IGSF10: variants seen among roughly 807,000 people sequenced by gnomAD.
IGSF10 encodes immunoglobulin superfamily member 10, also known as calvaria mechanical force protein 608.
In IGSF10, 126 loss-of-function variants were observed where a neutral mutation model predicts 128.2. That is an observed-to-expected ratio of 0.98 (90% CI 0.85 to 1.14). The LOEUF (loss-of-function observed/expected upper bound fraction) is 1.14, where lower values mean the gene tolerates loss of function less well. IGSF10 is among the 50% of genes most tolerant of loss of function. The pLI, the probability that IGSF10 is intolerant of heterozygous loss-of-function variation, is 0.00. For synonymous variants in IGSF10, 1,185 were observed against 1,146.2 expected, an observed-to-expected ratio of 1.03 and a Z score of -0.68; for missense variants, 3,295 against 3,149.8, an observed-to-expected ratio of 1.05 and a Z score of -1.10.
At chr3:151,444,854 A>C (rs548669371) in intron 6 of IGSF10, 65 bp downstream of exon 6, 1 of 1,442,978 alleles carries the variant, frequency 6.9e-7, no homozygotes, top group Non-Finnish European at 9.3e-7. Context: ...GTTTAATCCC[A>C]AAACATAACA....
At chr3:151,462,355 G>A (rs746738179), upstream of IGSF10, among the ~76,000 whole-genome samples, 1 of 152,162 alleles carries the variant, frequency 6.6e-6, no homozygotes, top group Non-Finnish European at 1.5e-5. Context: ...GAAACTGTAC[G>A]AAGGAGGCTT....
At chr3:151,552,190 G>A in the IGSF10 span, among the ~76,000 whole-genome samples, 1 of 152,082 alleles carries the variant, frequency 6.6e-6, no homozygotes, top group Non-Finnish European at 1.5e-5. Flanking sequence ...CCATGTGAAG[G>A]TGTGCTTACT....
At chr3:151,468,765 C>T in the IGSF10 span, among the ~76,000 whole-genome samples, 1 of 152,178 alleles carries the variant, frequency 6.6e-6, no homozygotes, top group Non-Finnish European at 1.5e-5. Flanking sequence ...TTCCAGGATA[C>T]ATGTACAGGA....
At chr3:151,517,905 T>C in the IGSF10 span, among the ~76,000 whole-genome samples, 24 of 152,028 alleles carry the variant, frequency 1.6e-4, no homozygotes, top group African/African-American at 4.3e-4. Context: ...CTCTGACCCT[T>C]ACAAAAAAAA....
chr3:151,490,286 G>T, the IGSF10 span, among the ~76,000 whole-genome samples: 1 of 152,088 alleles, frequency 6.6e-6, no homozygotes, highest in Non-Finnish European at 1.5e-5. Context: ...AACAAAGAGT[G>T]TCATTATTTA....
the IGSF10 span, among the ~76,000 whole-genome samples, chr3:151,512,769 T>C: frequency 2.6e-5 from 4 of 151,832 alleles, no homozygotes; most frequent in Non-Finnish European, 4.4e-5. Flanking sequence ...CAATAAAAAA[T>C]GACAAAGGGG....
the IGSF10 span, among the ~76,000 whole-genome samples, chr3:151,535,032 GC>G: frequency 5.9e-5 from 9 of 151,550 alleles, no homozygotes; most frequent in African/African-American, 1.5e-4. Context: ...AAAAAAAAAA[GC>G]TATCTACATT....
At chr3:151,596,572 T>G in the IGSF10 span, among the ~76,000 whole-genome samples, 1 of 152,208 alleles carries the variant, frequency 6.6e-6, no homozygotes, top group South Asian at 2.1e-4. Context: ...ATCTTGTGTA[T>G]CTACATCTTC....
intron 7 of IGSF10, among the ~76,000 whole-genome samples, chr3:151,442,380 A>AT (rs3975405): frequency 0.05 from 6,158 of 124,380 alleles, 318 homozygotes; most frequent in Middle Eastern, 0.11. Context: ...TACAATTACT[A>AT]TTTTTTTTTT....
upstream of IGSF10, among the ~76,000 whole-genome samples, chr3:151,462,672 T>C (rs1722106193): frequency 6.6e-6 from 1 of 152,204 alleles, no homozygotes; most frequent in African/African-American, 2.4e-5. Context: ...CTGCCTCACT[T>C]AGCTAAACAT....
the IGSF10 span, among the ~76,000 whole-genome samples, chr3:151,616,607 C>A: frequency 6.6e-6 from 1 of 152,098 alleles, no homozygotes; most frequent in Non-Finnish European, 1.5e-5. Context: ...TATATTTGGG[C>A]ACATAAAAGT....
the IGSF10 span, among the ~76,000 whole-genome samples, chr3:151,561,512 ACT>A: frequency 6.6e-6 from 1 of 152,082 alleles, no homozygotes; most frequent in Non-Finnish European, 1.5e-5. Flanking sequence ...AATGCTGGTG[ACT>A]CTTTTGTAAA....
chr3:151,444,072 A>C (rs903027373), intron 6 of IGSF10, among the ~76,000 whole-genome samples, 188 bp from the exon 7 acceptor site: 2 of 152,056 alleles, frequency 1.3e-5, no homozygotes, highest in Admixed American at 6.5e-5. Context: ...CCAGGAGTTC[A>C]AGACCAGCCC....
chr3:151,437,165 ATTT>A lies in IGSF10; in HGVS notation c.7393_7395del (p.Lys2465del). 6.2e-7 allele frequency: 1 copy of A among 1,614,184 alleles called. No homozygotes were observed. The highest frequency in any genetic ancestry group is 8.5e-7 in the Non-Finnish European group (1 of 1,180,022). On this transcript the variant is annotated inframe_deletion, in exon 8 of 8. Coordinates refer to ENST00000282466, the MANE Select transcript of IGSF10 (RefSeq NM_178822.5). Reference sequence around the variant, plus strand: ...ACTACATAACCACTTGGCATAGTCCATTTGATATTTGGCTTAGGGATTCCATCA... The same window carrying A: ...ACTACATAACCACTTGGCATAGTCCAGATATTTGGCTTAGGGATTCCATCA...
chr3:151,512,690 AG>A, the IGSF10 span, among the ~76,000 whole-genome samples: 581 of 152,288 alleles, frequency 3.8e-3, 2 homozygotes, highest in African/African-American at 0.013. Flanking sequence ...GTTTTTTGAA[AG>A]ATCAACAAAA....
At chr3:151,442,495 T>C (rs1014308170) in intron 7 of IGSF10, among the ~76,000 whole-genome samples, 4 of 148,926 alleles carry the variant, frequency 2.7e-5, no homozygotes, top group East Asian at 2.0e-4. Context: ...TTCTCCTGCC[T>C]CAACCTCCCA....
At chr3:151,432,617 G>A (rs1719661056), downstream of IGSF10, 5 of 622,970 alleles carry the variant, frequency 8.0e-6, no homozygotes, top group Non-Finnish European at 1.4e-5. Context: ...GTTTTTCAGG[G>A]CAAGGATAGT....
chr3:151,464,533 C>T (rs555834986), upstream of IGSF10, among the ~76,000 whole-genome samples: 45 of 152,058 alleles, frequency 3.0e-4, no homozygotes, highest in East Asian at 6.2e-3. Flanking sequence ...ATCAACCAAG[C>T]GCAAGCAGTT....
the IGSF10 span, among the ~76,000 whole-genome samples, chr3:151,524,102 G>T: frequency 1.3e-5 from 2 of 151,760 alleles, no homozygotes; most frequent in African/African-American, 4.8e-5. Context: ...CAGTCAGAAT[G>T]GCTACTACAA....
Sources: allele counts gnomAD v4.1 joint callset (sites outside exome capture counted in the v4.1 genomes callset), GRCh38; gene constraint gnomAD v4.1.1; transcripts MANE v1.5; gene names NCBI Gene and HGNC (gene_info 2026-07-23, HGNC 2026-07-21).